The following NRG1 variants were observed in gnomAD, a reference collection of about 807,000 sequenced individuals.
The protein encoded by NRG1 is neuregulin 1, also known as pro-neuregulin-1, membrane-bound isoform.
A neutral mutation model predicts 63.8 loss-of-function variants in NRG1; 18 were observed. That is an observed-to-expected ratio of 0.28 (90% confidence interval 0.19 to 0.42). The LOEUF is 0.42. Ranked by LOEUF, NRG1 falls within the 10% of genes least tolerant of loss-of-function variation. The pLI, the probability that NRG1 is intolerant of heterozygous loss-of-function variation, is 1.00. For synonymous variants in NRG1, 302 were observed against 301.3 expected (o/e 1.00, Z -0.02); for missense variants, 762 against 814.7 (o/e 0.94, Z 0.79).
chr8:32,435,634 T>C lies in NRG1; in HGVS notation c.38-160194T>C, dbSNP rs185988014. Among the ~76,000 whole-genome samples the C allele has an allele frequency of 1.8e-3, 271 of 152,308 alleles. 2 individuals are homozygous for C. The highest frequency in any genetic ancestry group is 6.2e-3 in the African/African-American group (256 of 41,574). On this transcript the variant is annotated intron_variant, in intron 1 of 10. Coordinates refer to the NRG1 transcript ENST00000519301. The stretch of plus-strand genomic sequence containing the variant: ...GTGTCTGGTTAATAATCCACAAACG[T>C]CAGTGTTTTACATTTGTAAGTAAAG...
At chr8:31,997,500 C>T (rs1449475450) in intron 1 of NRG1, among the ~76,000 whole-genome samples, 2 of 152,016 alleles carry the variant, frequency 1.3e-5, no homozygotes, top group Non-Finnish European at 2.9e-5. Flanking sequence ...AGCTCTTTCA[C>T]ATTCATCACT....
At chr8:31,723,336 T>C (rs961610674) in intron 1 of NRG1, among the ~76,000 whole-genome samples, 1 of 152,152 alleles carries the variant, frequency 6.6e-6, no homozygotes, top group African/African-American at 2.4e-5. Flanking sequence ...GTGAGCAGGG[T>C]GAGAAAATCC....
rs77660173 is a variant in NRG1 at position 31,807,231 on chromosome 8, A to T, written c.37+167800A>T. ...TTATCTGTGCCCCTCTCTTGGCTAC[A>T]CTCTCAGCTTTGATACACTACTTGA... On this transcript the variant is annotated intron_variant, in intron 1 of 10. Coordinates refer to the NRG1 transcript ENST00000519301. 5.0e-3 allele frequency among the ~76,000 whole-genome samples: 768 copies of T among 152,268 alleles called. 6 individuals are homozygous for T. Among genetic ancestry groups the T allele is most frequent in the African/African-American group, 0.018 (734 of 41,538 alleles).
chr8:32,699,181 C>T (rs548016521), intron 5 of NRG1, among the ~76,000 whole-genome samples: 1 of 152,274 alleles, frequency 6.6e-6, no homozygotes, highest in South Asian at 2.1e-4. Context: ...GTGTTTGTTC[C>T]ATGGCCAATT....
At chr8:32,597,453 T>A (rs535384548) in intron 2 of NRG1, among the ~76,000 whole-genome samples, 1 of 152,290 alleles carries the variant, frequency 6.6e-6, no homozygotes, top group African/African-American at 2.4e-5. Flanking sequence ...TTTGGAAGTA[T>A]AATAAAGTGT....
chr8:32,307,575 G>A (rs1365253535), intron 1 of NRG1, among the ~76,000 whole-genome samples: 1 of 146,394 alleles, frequency 6.8e-6, no homozygotes, highest in African/African-American at 2.5e-5. Context: ...ATGGCTCTAT[G>A]GTCACCCAGG....
At chr8:31,944,071 C>T (rs1802169796) in intron 1 of NRG1, among the ~76,000 whole-genome samples, 1 of 152,176 alleles carries the variant, frequency 6.6e-6, no homozygotes, top group South Asian at 2.1e-4. Context: ...CCTTATTTGT[C>T]ATGTATGATT....
At chr8:32,543,535 C>G (rs1225977331), upstream of NRG1, among the ~76,000 whole-genome samples, 1 of 151,876 alleles carries the variant, frequency 6.6e-6, no homozygotes, top group African/African-American at 2.4e-5. Flanking sequence ...GACGTTGGCC[C>G]TGTTTATCAG....
At chr8:32,677,894 T>G (rs1807592671) in intron 5 of NRG1, among the ~76,000 whole-genome samples, 1 of 152,140 alleles carries the variant, frequency 6.6e-6, no homozygotes. Flanking sequence ...AACTTTTTTC[T>G]CACCAATGAC....
At chr8:32,610,752 A>G (rs1563763256) in intron 3 of NRG1, among the ~76,000 whole-genome samples, 1 of 152,176 alleles carries the variant, frequency 6.6e-6, no homozygotes, top group African/African-American at 2.4e-5. Flanking sequence ...GACATATATC[A>G]ACCTATGCAA....
chr8:32,517,414 G>A (rs573527837), intron 1 of NRG1, among the ~76,000 whole-genome samples: 13 of 152,138 alleles, frequency 8.5e-5, no homozygotes, highest in Non-Finnish European at 1.9e-4. Context: ...AGTGGTACAT[G>A]TGGGGCGGCC....
intron 1 of NRG1, among the ~76,000 whole-genome samples, chr8:32,591,350 C>T (rs898646665): frequency 3.3e-5 from 5 of 152,012 alleles, no homozygotes; most frequent in Non-Finnish European, 7.4e-5. Flanking sequence ...ATCCTTGAAC[C>T]GCAAACATCG....
intron 1 of NRG1, among the ~76,000 whole-genome samples, chr8:32,592,136 A>C (rs1842646644): frequency 6.6e-6 from 1 of 151,180 alleles, no homozygotes; most frequent in Non-Finnish European, 1.5e-5. Context: ...ATGTGTTAGC[A>C]TGTATATGTG....
intron 1 of NRG1, among the ~76,000 whole-genome samples, chr8:31,902,917 T>A (rs1250043275): frequency 6.6e-6 from 1 of 152,172 alleles, no homozygotes; most frequent in Non-Finnish European, 1.5e-5. Context: ...ACAGGAATAA[T>A]GCTACAGTCC....
At chr8:32,158,465 A>ATG (rs1838422182) in intron 1 of NRG1, among the ~76,000 whole-genome samples, 1 of 132,088 alleles carries the variant, frequency 7.6e-6, no homozygotes, top group African/African-American at 2.7e-5. Flanking sequence ...ATATATATAT[A>ATG]TATATATCAT....
intron 3 of NRG1, among the ~76,000 whole-genome samples, chr8:32,607,727 T>G (rs1045241122): frequency 2.0e-5 from 3 of 152,170 alleles, no homozygotes; most frequent in African/African-American, 7.2e-5. Flanking sequence ...GTTGACCAAT[T>G]ATAGGGTAGA....
chr8:32,607,994 T>C (rs770842995), intron 3 of NRG1, among the ~76,000 whole-genome samples: 1 of 151,968 alleles, frequency 6.6e-6, no homozygotes, highest in Non-Finnish European at 1.5e-5. Flanking sequence ...ACCCCTTCAT[T>C]GTATTAAAAA....
chr8:32,069,570 A>G (rs1462903), intron 1 of NRG1, among the ~76,000 whole-genome samples: 148,630 of 152,228 alleles, frequency 0.98, 72,660 homozygotes, highest in East Asian at 1. Context: ...GAATTTTCTT[A>G]GAAAAGAGAG....
chr8:31,994,127 C>A (rs1282298550), intron 1 of NRG1, among the ~76,000 whole-genome samples: 1 of 151,884 alleles, frequency 6.6e-6, no homozygotes, highest in African/African-American at 2.4e-5. Context: ...GAGGATAATT[C>A]TAATAGCTCT....
Sources: gnomAD v4.1 joint callset for allele counts (sites outside exome capture counted in the v4.1 genomes callset) on GRCh38, gnomAD v4.1.1 for gene constraint, MANE v1.5 for transcripts, NCBI Gene and HGNC (gene_info 2026-07-23, HGNC 2026-07-21) for gene names.